GPC5: variants seen among roughly 807,000 people sequenced by gnomAD.
The protein encoded by GPC5 is glypican-5.
GPC5 carries 47 observed loss-of-function variants against 53.9 expected under a neutral mutation model. The observed-to-expected ratio is 0.87, with a 90% CI of 0.69 to 1.11. The LOEUF (loss-of-function observed/expected upper bound fraction) is 1.11. GPC5 is among the 50% of genes most tolerant of loss of function. The pLI, the probability that GPC5 is intolerant of heterozygous loss-of-function variation, is 0.00. For synonymous variants in GPC5, 286 were observed against 263.3 expected (o/e 1.09, Z -0.84); for missense variants, 748 against 713.1 (o/e 1.05, Z -0.56).
intron 7 of GPC5, among the ~76,000 whole-genome samples, chr13:92,165,349 C>G (rs1467683705): frequency 6.6e-6 from 1 of 152,094 alleles, no homozygotes; most frequent in Non-Finnish European, 1.5e-5. Flanking sequence ...GTTTCCGGTA[C>G]CAATTTATTG....
At chr13:91,671,554 A>G (rs2035242979) in intron 2 of GPC5, among the ~76,000 whole-genome samples, 1 of 151,996 alleles carries the variant, frequency 6.6e-6, no homozygotes. Flanking sequence ...GAGAACTACA[A>G]ACCACTGCTC....
chr13:92,796,542 C>A (rs1876691318), intron 7 of GPC5, among the ~76,000 whole-genome samples: 1 of 151,832 alleles, frequency 6.6e-6, no homozygotes, highest in Non-Finnish European at 1.5e-5. Context: ...CTTGGCATTT[C>A]TCAATGAGGA....
At chr13:92,451,759 T>C (rs1215745811) in intron 7 of GPC5, among the ~76,000 whole-genome samples, 2 of 152,146 alleles carry the variant, frequency 1.3e-5, no homozygotes, top group African/African-American at 4.8e-5. Context: ...ACCATGAAAT[T>C]AGCAACACTT....
At chr13:92,262,798 A>T (rs1241176412) in intron 7 of GPC5, among the ~76,000 whole-genome samples, 1 of 152,194 alleles carries the variant, frequency 6.6e-6, no homozygotes, top group East Asian at 1.9e-4. Flanking sequence ...CTTCTTGCAA[A>T]GTCTTGAGAA....
chr13:91,885,333 A>C (rs1223497997), intron 5 of GPC5, among the ~76,000 whole-genome samples: 1 of 152,242 alleles, frequency 6.6e-6, no homozygotes, highest in Non-Finnish European at 1.5e-5. Flanking sequence ...GTCTTATCTA[A>C]GCCTAACATT....
chr13:92,464,473 G>T (rs1253415586), intron 7 of GPC5, among the ~76,000 whole-genome samples: 1 of 151,846 alleles, frequency 6.6e-6, no homozygotes, highest in Non-Finnish European at 1.5e-5. Context: ...CTTCTTTGGT[G>T]CTATTTTTAT....
intron 7 of GPC5, among the ~76,000 whole-genome samples, chr13:92,677,492 A>T (rs1886984614): frequency 6.6e-6 from 1 of 152,216 alleles, no homozygotes; most frequent in South Asian, 2.1e-4. Context: ...AAAGTAACAA[A>T]TTCTGTGTTT....
At chr13:92,742,110 T>C (rs1303478111) in intron 7 of GPC5, among the ~76,000 whole-genome samples, 8 of 151,676 alleles carry the variant, frequency 5.3e-5, no homozygotes, top group African/African-American at 1.7e-4. Context: ...AGTAATGGGA[T>C]GGCTGGGTCA....
chr13:92,166,957 C>CTCTCT (rs1566465866), intron 7 of GPC5, among the ~76,000 whole-genome samples: 46 of 63,072 alleles, frequency 7.3e-4, no homozygotes, highest in African/African-American at 2.0e-3. Flanking sequence ...CTCTCTCTCT[C>CTCTCT]ACACACACAC....
At chr13:92,048,502 G>A (rs2041001542) in intron 6 of GPC5, among the ~76,000 whole-genome samples, 1 of 152,126 alleles carries the variant, frequency 6.6e-6, no homozygotes, top group Non-Finnish European at 1.5e-5. Flanking sequence ...GGCTTCTTCT[G>A]TGCTAGGATT....
chr13:91,779,152 C>T (rs897265533), intron 5 of GPC5, among the ~76,000 whole-genome samples: 4 of 152,160 alleles, frequency 2.6e-5, no homozygotes, highest in African/African-American at 9.7e-5. Context: ...ATACTGCACA[C>T]TTAGGCTATA....
At chr13:92,258,865 G>A (rs577756256) in intron 7 of GPC5, among the ~76,000 whole-genome samples, 4 of 152,266 alleles carry the variant, frequency 2.6e-5, no homozygotes, top group African/African-American at 9.6e-5. Context: ...ACTGCTGAAA[G>A]CCAGGGGTTG....
intron 6 of GPC5, among the ~76,000 whole-genome samples, chr13:92,031,244 G>A (rs1389363593): frequency 6.6e-6 from 1 of 151,986 alleles, no homozygotes; most frequent in Non-Finnish European, 1.5e-5. Context: ...CTCTCCTTGA[G>A]GTATCTTATG....
intron 6 of GPC5, among the ~76,000 whole-genome samples, chr13:92,020,290 C>T (rs552352185): frequency 6.6e-6 from 1 of 152,230 alleles, no homozygotes; most frequent in African/African-American, 2.4e-5. Context: ...TATCCTTAAT[C>T]TACATAACCT....
chr13:92,784,601 T>C (rs910528346), intron 7 of GPC5, among the ~76,000 whole-genome samples: 3 of 152,184 alleles, frequency 2.0e-5, no homozygotes, highest in Non-Finnish European at 4.4e-5. Flanking sequence ...AATGTTGTAC[T>C]CTTTTGTGGT....
intron 7 of GPC5, among the ~76,000 whole-genome samples, chr13:92,760,630 A>G (rs918800098): frequency 3.4e-5 from 5 of 148,276 alleles, no homozygotes; most frequent in African/African-American, 7.5e-5. Flanking sequence ...TTTTTTTCCT[A>G]TGATTTTTCT....
chr13:92,235,416 T>C (rs2042562568), intron 7 of GPC5, among the ~76,000 whole-genome samples: 1 of 152,118 alleles, frequency 6.6e-6, no homozygotes. Context: ...GTTTAAGTTG[T>C]TGTTCATGAG....
chr13:92,731,220 T>G (rs796805335), intron 7 of GPC5, among the ~76,000 whole-genome samples: 6 of 151,574 alleles, frequency 4.0e-5, no homozygotes, highest in African/African-American at 1.4e-4. Context: ...AGATGGAATG[T>G]AAGAAGAAGA....
intron 7 of GPC5, among the ~76,000 whole-genome samples, chr13:92,146,562 A>T (rs773897081): frequency 2.6e-5 from 4 of 152,098 alleles, no homozygotes; most frequent in Non-Finnish European, 4.4e-5. Flanking sequence ...GTTTGGTTAC[A>T]TGAGTAAGTT....
Sources: allele counts gnomAD v4.1 joint callset (sites outside exome capture counted in the v4.1 genomes callset), GRCh38; gene constraint gnomAD v4.1.1; transcripts MANE v1.5; gene names NCBI Gene and HGNC (gene_info 2026-07-23, HGNC 2026-07-21).